Variants in DSCAM observed in about 807,000 individuals in gnomAD.
DSCAM encodes the protein DS cell adhesion molecule.
DSCAM carries 47 observed loss-of-function variants against 217.7 expected under a neutral mutation model. The observed-to-expected ratio is 0.22, with a 90% CI of 0.17 to 0.28. The LOEUF (loss-of-function observed/expected upper bound fraction) is 0.28, where lower values mean the gene tolerates loss of function less well. DSCAM is among the 10% of genes least tolerant of loss of function. DSCAM has a pLI of 1.00. For missense variants in DSCAM, 2,080 were observed against 2,618.3 expected, an observed-to-expected ratio of 0.79 and a Z score of 4.49; for synonymous variants, 1,056 against 1,015.3, an observed-to-expected ratio of 1.04 and a Z score of -0.76.
At chr21:40,751,149 TC>T (rs1569018273) in intron 1 of DSCAM, among the ~76,000 whole-genome samples, 1 of 152,056 alleles carries the variant, frequency 6.6e-6, no homozygotes, top group Non-Finnish European at 1.5e-5. Flanking sequence ...AAAGCCCTCT[TC>T]CACCCCCGCT....
At position 40,756,396 on chromosome 21, in the gene DSCAM, C is replaced by CT. The variant is rs550883734; in HGVS notation, c.44-47626dup. Among the ~76,000 whole-genome samples the CT allele has an allele frequency of 8.8e-4, 134 of 151,592 alleles. 3 individuals are homozygous for CT. In the South Asian group the frequency reaches 0.024, roughly 27 times the overall value. ...CTTTTCTTTATAAATTACTCAGTCT[C>CT]TTTTTTTTTGTTTGAGTTAGAGTTT... On this transcript the variant is annotated intron_variant, in intron 1 of 32. Coordinates refer to ENST00000400454, the MANE Select transcript of DSCAM (RefSeq NM_001389.5).
intron 2 of DSCAM, among the ~76,000 whole-genome samples, chr21:40,703,555 C>T (rs1467034905): frequency 1.3e-5 from 2 of 152,090 alleles, no homozygotes; most frequent in Admixed American, 6.6e-5. Flanking sequence ...CACACACACA[C>T]ACCCAACAGC....
chr21:40,760,806 A>T (rs1344452732), intron 1 of DSCAM, among the ~76,000 whole-genome samples: 1 of 150,264 alleles, frequency 6.7e-6, no homozygotes. Context: ...GGCCTCCAGA[A>T]TCTTCCCCTT....
chr21:40,215,363 C>A (rs1240459659), intron 11 of DSCAM, among the ~76,000 whole-genome samples: 1 of 150,042 alleles, frequency 6.7e-6, no homozygotes, highest in Non-Finnish European at 1.5e-5. Context: ...GTACGTGTAC[C>A]CTCTGAGCCT....
intron 1 of DSCAM, among the ~76,000 whole-genome samples, chr21:40,734,892 T>C (rs1046337580): frequency 6.6e-6 from 1 of 152,232 alleles, no homozygotes; most frequent in Non-Finnish European, 1.5e-5. Flanking sequence ...TGTATTTATG[T>C]AGACAAACGT....
chr21:40,021,165 C>A (rs549773337), intron 32 of DSCAM, among the ~76,000 whole-genome samples: 1 of 129,452 alleles, frequency 7.7e-6, no homozygotes, highest in African/African-American at 3.0e-5. Context: ...AAGAAAGAAA[C>A]GTAGCACTCT....
intron 3 of DSCAM, among the ~76,000 whole-genome samples, chr21:40,459,582 T>C (rs2075789814): frequency 6.6e-6 from 1 of 152,164 alleles, no homozygotes; most frequent in Non-Finnish European, 1.5e-5. Context: ...ACAAACCATA[T>C]GAACAGCACG....
At chr21:40,760,763 C>T (rs1315553788) in intron 1 of DSCAM, among the ~76,000 whole-genome samples, 3 of 152,194 alleles carry the variant, frequency 2.0e-5, no homozygotes, top group African/African-American at 7.2e-5. Flanking sequence ...ATTCTCATGC[C>T]ATATCTCTGG....
chr21:40,424,843 C>T (rs913033462), intron 3 of DSCAM, among the ~76,000 whole-genome samples: 3 of 152,054 alleles, frequency 2.0e-5, no homozygotes, highest in Non-Finnish European at 2.9e-5. Flanking sequence ...CATGTAATCC[C>T]AGCACTTTGG....
intron 15 of DSCAM, among the ~76,000 whole-genome samples, chr21:40,168,192 A>C (rs566807760): frequency 6.6e-6 from 1 of 152,348 alleles, no homozygotes; most frequent in East Asian, 1.9e-4. Flanking sequence ...CTGAGTGTGC[A>C]ATAAGTCAGT....
intron 11 of DSCAM, among the ~76,000 whole-genome samples, chr21:40,193,597 G>C (rs764815045): frequency 2.6e-5 from 4 of 152,134 alleles, no homozygotes; most frequent in Non-Finnish European, 5.9e-5. Context: ...TGAGTGTCCT[G>C]ATTCCTGCAA....
At chr21:40,045,589 G>A (rs9976890) in intron 30 of DSCAM, among the ~76,000 whole-genome samples, 22,315 of 152,174 alleles carry the variant, frequency 0.15, 1,932 homozygotes, top group East Asian at 0.33. Context: ...TGTGGAAAAT[G>A]AGAGAGGTTC....
intron 11 of DSCAM, among the ~76,000 whole-genome samples, chr21:40,192,557 G>T (rs1353029084): frequency 6.6e-6 from 1 of 152,092 alleles, no homozygotes; most frequent in Non-Finnish European, 1.5e-5. Context: ...ACTCAGTTAA[G>T]CCTCCTTCCT....
At chr21:40,487,751 C>A (rs1013574724) in intron 3 of DSCAM, among the ~76,000 whole-genome samples, 6 of 152,062 alleles carry the variant, frequency 3.9e-5, no homozygotes, top group Non-Finnish European at 7.4e-5. Flanking sequence ...CTAGAGAGAA[C>A]CTATGAAGCT....
In DSCAM at chr21:40,022,699, C is replaced by T. The variant is rs554089043; in HGVS notation, c.5687-9313G>A. ...TGTTGAAATCCTGTCTCTGCCTCTG[C>T]TTCTGCCTCCAGGTAGTTTTGTGAC... On this transcript the variant is annotated intron_variant, in intron 32 of 32. Coordinates refer to ENST00000400454, the MANE Select transcript of DSCAM (RefSeq NM_001389.5). 1.9e-3 allele frequency among the ~76,000 whole-genome samples: 293 copies of T among 152,208 alleles called. 3 individuals carry two copies. The highest frequency in any genetic ancestry group is 6.6e-3 in the African/African-American group (274 of 41,538).
chr21:40,017,713 G>A (rs942696175), intron 32 of DSCAM, among the ~76,000 whole-genome samples: 2 of 152,000 alleles, frequency 1.3e-5, no homozygotes, highest in Non-Finnish European at 2.9e-5. Flanking sequence ...CACCACGCCT[G>A]GCTAATTTTT....
intron 3 of DSCAM, among the ~76,000 whole-genome samples, chr21:40,443,738 G>A (rs1004725521): frequency 6.6e-6 from 1 of 152,188 alleles, no homozygotes; most frequent in Non-Finnish European, 1.5e-5. Context: ...ACTAGCAGAT[G>A]TAAGATGGGT....
At position 40,144,361 on chromosome 21, in the gene DSCAM, G is replaced by T. The variant is rs1601379879; in HGVS notation, c.3259+130C>A. The T allele has an allele frequency of 7.0e-7, 1 of 1,433,678 alleles. No individual in the cohort carries two copies. Among genetic ancestry groups the T allele is most frequent in the Non-Finnish European group, 9.4e-7 (1 of 1,059,840 alleles). The allele number at this position is 1,433,678 out of a possible 1,614,324, so 88.8% of individuals were successfully genotyped here. A position where few individuals can be genotyped will look rare whatever the true frequency, so the allele number is the denominator to read the frequency against. ...GTCACGAGGGAAGGCTTTTCCACCC[G>T]AGACCCCAGGCCCTGCAGGTCACTG... On this transcript the variant is annotated intron_variant, in intron 17 of 32. Transcript: ENST00000400454. The surrounding 1 kb of genome is among the most constrained non-coding windows in gnomAD (Gnocchi z 4.8).
At chr21:40,173,045 T>C (rs375286885) in intron 15 of DSCAM, among the ~76,000 whole-genome samples, 33 of 152,314 alleles carry the variant, frequency 2.2e-4, no homozygotes, top group African/African-American at 7.5e-4. Context: ...AACCTACTTA[T>C]TTAATTAGCA....
Sources: gnomAD v4.1 joint callset for allele counts (sites outside exome capture counted in the v4.1 genomes callset) on GRCh38, gnomAD v4.1.1 for gene constraint, Gnocchi (gnomAD v3.1) non-coding constraint, MANE v1.5 for transcripts, NCBI Gene and HGNC (gene_info 2026-07-23, HGNC 2026-07-21) for gene names.